The following ANKS1B variants were observed in gnomAD, a reference collection of about 807,000 sequenced individuals.
The protein encoded by ANKS1B is ankyrin repeat and sterile alpha motif domain containing 1B, also known as ankyrin repeat and sterile alpha motif domain-containing protein 1B.
A neutral mutation model predicts 148.3 loss-of-function variants in ANKS1B; 36 were observed. The observed-to-expected ratio is 0.24, with a 90% CI of 0.19 to 0.32. The LOEUF (loss-of-function observed/expected upper bound fraction) is 0.32, where lower values mean the gene tolerates loss of function less well. Ranked by LOEUF, ANKS1B falls within the 10% of genes least tolerant of loss-of-function variation. The pLI, the probability that ANKS1B is intolerant of heterozygous loss-of-function variation, is 1.00. For synonymous variants in ANKS1B, 542 were observed against 560.8 expected (o/e 0.97, Z 0.47); for missense variants, 1,157 against 1,542.6 (o/e 0.75, Z 4.19).
Position 98,850,459 on chromosome 12 carries a change from A to ATTTTTTT in ANKS1B, c.2779-18330_2779-18324dup, listed in dbSNP as rs59294440. ...TTGATGGAGACCAGAGAAGCATTGC[A>ATTTTTTT]TTTTTTTTTTTTTTTTTTTTTTTTT... On this transcript the variant is annotated intron_variant, in intron 17 of 26. Transcript: ENST00000683438. Among the ~76,000 whole-genome samples the ATTTTTTT allele has an allele frequency of 6.5e-3, 458 of 70,516 alleles. 88 individuals carry two copies. Among genetic ancestry groups the ATTTTTTT allele is most frequent in the Non-Finnish European group, 9.1e-3 (370 of 40,526 alleles). 46.3% of individuals were successfully genotyped at this position (70,516 alleles called of 152,430 possible). A position where few individuals can be genotyped will look rare whatever the true frequency, so the allele number is the denominator to read the frequency against.
At chr12:99,479,487 A>G (rs890271003) in intron 10 of ANKS1B, among the ~76,000 whole-genome samples, 3 of 152,024 alleles carry the variant, frequency 2.0e-5, no homozygotes, top group African/African-American at 7.2e-5. Context: ...TTGACCATCA[A>G]TGGATGGATG....
intron 1 of ANKS1B, among the ~76,000 whole-genome samples, chr12:99,828,429 A>G (rs1169220149): frequency 1.3e-5 from 2 of 152,180 alleles, no homozygotes; most frequent in African/African-American, 2.4e-5. Flanking sequence ...ATGAACTCAG[A>G]GCTTCCCATG....
intron 12 of ANKS1B, among the ~76,000 whole-genome samples, chr12:99,396,850 T>C (rs1239581419): frequency 2.0e-5 from 3 of 151,972 alleles, no homozygotes; most frequent in African/African-American, 7.3e-5. Context: ...AAATCGATCA[T>C]CCCCAAAACA....
intron 19 of ANKS1B, among the ~76,000 whole-genome samples, chr12:98,810,190 A>G (rs537818519): frequency 6.6e-6 from 1 of 152,346 alleles, no homozygotes; most frequent in South Asian, 2.1e-4. Context: ...ACTTTATCCA[A>G]ATAAGATTAC....
At chr12:99,815,735 C>G (rs1225260557) in intron 2 of ANKS1B, among the ~76,000 whole-genome samples, 1 of 151,736 alleles carries the variant, frequency 6.6e-6, no homozygotes, top group East Asian at 1.9e-4. Flanking sequence ...GAAGTGAGAA[C>G]GCATGGTATT....
intron 12 of ANKS1B, among the ~76,000 whole-genome samples, chr12:99,384,481 A>T (rs1411378255): frequency 6.6e-6 from 1 of 152,196 alleles, no homozygotes; most frequent in African/African-American, 2.4e-5. Flanking sequence ...GAAAAATAGA[A>T]GAATCTCTGA....
At chr12:99,296,309 G>A (rs2080866142) in intron 12 of ANKS1B, among the ~76,000 whole-genome samples, 1 of 152,044 alleles carries the variant, frequency 6.6e-6, no homozygotes, top group Non-Finnish European at 1.5e-5. Flanking sequence ...AAATTATTCT[G>A]CATTTCCATA....
At position 99,264,557 on chromosome 12, in the gene ANKS1B, T is replaced by G. The variant is rs551906343; in HGVS notation, c.1757-17693A>C. 7.2e-5 allele frequency among the ~76,000 whole-genome samples: 11 copies of G among 152,258 alleles called. No homozygotes were observed. In the East Asian group the frequency reaches 1.7e-3, roughly 24 times the overall value. ...TGCAGCGTTAGTCTACTGAATATCA[T>G]TGAGATCCATTTGACGTTAGCATTT... On this transcript the variant is annotated intron_variant, in intron 12 of 26. Transcript: ENST00000683438.
At chr12:99,526,649 C>T (rs1438654449) in intron 9 of ANKS1B, among the ~76,000 whole-genome samples, 1 of 151,998 alleles carries the variant, frequency 6.6e-6, no homozygotes, top group Non-Finnish European at 1.5e-5. Flanking sequence ...CTTAGATAAG[C>T]CTTGCTTGGT....
intron 15 of ANKS1B, among the ~76,000 whole-genome samples, chr12:99,121,703 C>T (rs1357350013): frequency 6.6e-6 from 1 of 152,128 alleles, no homozygotes; most frequent in African/African-American, 2.4e-5. Context: ...ACAGTGGCTG[C>T]TCACTGAGTG....
At chr12:99,725,454 C>G (rs2058521187) in intron 8 of ANKS1B, among the ~76,000 whole-genome samples, 1 of 152,216 alleles carries the variant, frequency 6.6e-6, no homozygotes, top group South Asian at 2.1e-4. Flanking sequence ...GAAGAGCTAA[C>G]TATCCTAAAT....
intron 9 of ANKS1B, among the ~76,000 whole-genome samples, chr12:99,555,940 G>A (rs888870798): frequency 1.3e-5 from 2 of 152,096 alleles, no homozygotes; most frequent in Non-Finnish European, 2.9e-5. Context: ...GGATGATGCT[G>A]GACTCACAGA....
chr12:99,047,799 T>A (rs2099963466), intron 17 of ANKS1B, among the ~76,000 whole-genome samples: 1 of 152,174 alleles, frequency 6.6e-6, no homozygotes, highest in Non-Finnish European at 1.5e-5. Flanking sequence ...ACTAGCAGCC[T>A]CACACTATAG....
At chr12:99,723,111 A>G (rs1020959221) in intron 8 of ANKS1B, among the ~76,000 whole-genome samples, 7 of 151,928 alleles carry the variant, frequency 4.6e-5, no homozygotes, top group African/African-American at 1.7e-4. Flanking sequence ...TCTCAGCTAG[A>G]CTCTGCTTAA....
At chr12:99,125,343 C>T (rs1261543889) in intron 15 of ANKS1B, among the ~76,000 whole-genome samples, 1 of 152,112 alleles carries the variant, frequency 6.6e-6, no homozygotes, top group Non-Finnish European at 1.5e-5. Context: ...TCAAAGAAGT[C>T]ATTTCTTTGG....
chr12:98,760,239 A>AG (rs2098373722), intron 25 of ANKS1B, among the ~76,000 whole-genome samples: 1 of 151,502 alleles, frequency 6.6e-6, no homozygotes, highest in Non-Finnish European at 1.5e-5. Flanking sequence ...AACAAGAGAA[A>AG]GTCTTTTGCG....
At chr12:98,835,851 T>TGATGG (rs943130709) in intron 17 of ANKS1B, among the ~76,000 whole-genome samples, 1 of 152,244 alleles carries the variant, frequency 6.6e-6, no homozygotes, top group African/African-American at 2.4e-5. Context: ...CCCCCATCAC[T>TGATGG]GAAGATACTG....
At chr12:99,318,826 C>A (rs2084672363) in intron 12 of ANKS1B, among the ~76,000 whole-genome samples, 1 of 152,116 alleles carries the variant, frequency 6.6e-6, no homozygotes, top group African/African-American at 2.4e-5. Context: ...AAATTTCCCT[C>A]TACACATTGC....
chr12:99,885,010 T>A (rs1029435949), intron 1 of ANKS1B, among the ~76,000 whole-genome samples: 1 of 152,042 alleles, frequency 6.6e-6, no homozygotes, highest in Non-Finnish European at 1.5e-5. Flanking sequence ...AATCACTTAA[T>A]ATAGAGCTTT....
Sources: allele counts gnomAD v4.1 joint callset (sites outside exome capture counted in the v4.1 genomes callset), GRCh38; gene constraint gnomAD v4.1.1; transcripts MANE v1.5; gene names NCBI Gene and HGNC (gene_info 2026-07-23, HGNC 2026-07-21).